Variants in CREB5 observed in about 807,000 individuals in gnomAD.
CREB5 encodes the protein cAMP responsive element binding protein 5, also known as cyclic AMP-responsive element-binding protein 5.
Under a neutral mutation model 57.1 loss-of-function variants are expected in CREB5, and 19 were observed. The observed-to-expected ratio is 0.33, with a 90% CI of 0.23 to 0.49. CREB5 has a LOEUF of 0.49. Ranked by LOEUF, CREB5 falls within the 20% of genes least tolerant of loss-of-function variation. The pLI, the probability that CREB5 is intolerant of heterozygous loss-of-function variation, is 0.99. For synonymous variants in CREB5, 238 were observed against 238.3 expected, an observed-to-expected ratio of 1.00 and a Z score of 0.01; for missense variants, 579 against 671.6, an observed-to-expected ratio of 0.86 and a Z score of 1.52.
chr7:28,442,147 C>G (rs6973999), intron 1 of CREB5, among the ~76,000 whole-genome samples: 1 of 152,094 alleles, frequency 6.6e-6, no homozygotes, highest in Non-Finnish European at 1.5e-5. Context: ...TGAGATTAAA[C>G]AAAATTTTTT....
intron 7 of CREB5, among the ~76,000 whole-genome samples, chr7:28,757,171 G>C (rs1468446): frequency 2.0e-5 from 3 of 152,052 alleles, no homozygotes; most frequent in African/African-American, 7.2e-5. Context: ...CGCAACCGTC[G>C]TATATGAGAC....
intron 3 of CREB5, among the ~76,000 whole-genome samples, chr7:28,498,472 G>T (rs377145113): frequency 2.0e-5 from 3 of 152,312 alleles, no homozygotes; most frequent in East Asian, 3.9e-4. Flanking sequence ...GTTGGGGAAG[G>T]TGTTAAGATG....
intron 1 of CREB5, among the ~76,000 whole-genome samples, chr7:28,463,979 T>A (rs572756520): frequency 6.6e-6 from 1 of 152,218 alleles, no homozygotes; most frequent in East Asian, 1.9e-4. Flanking sequence ...AGAGCTAATA[T>A]CTTTCTCTTA....
intron 5 of CREB5, among the ~76,000 whole-genome samples, chr7:28,710,385 ACT>A (rs1455692286): frequency 6.6e-6 from 1 of 152,198 alleles, no homozygotes; most frequent in African/African-American, 2.4e-5. Context: ...GGTACCATGT[ACT>A]CTCTTAAGTT....
intron 1 of CREB5, among the ~76,000 whole-genome samples, chr7:28,461,770 A>G (rs545319190): frequency 9.2e-5 from 14 of 152,276 alleles, no homozygotes; most frequent in South Asian, 4.1e-4. Context: ...TCATGTCACA[A>G]TGTGTCCTGA....
chr7:28,518,569 T>C (rs978142148), intron 4 of CREB5, among the ~76,000 whole-genome samples: 1 of 152,152 alleles, frequency 6.6e-6, no homozygotes, highest in African/African-American at 2.4e-5. Context: ...CAACAAGCCT[T>C]TGGATAAGGA....
At chr7:28,338,403 A>G (rs954962153) in intron 1 of CREB5, among the ~76,000 whole-genome samples, 6 of 152,126 alleles carry the variant, frequency 3.9e-5, no homozygotes, top group African/African-American at 1.4e-4. Context: ...TATCCCAGGG[A>G]AAAAGTTTTT....
At chr7:28,510,787 A>G (rs546048812) in intron 4 of CREB5, among the ~76,000 whole-genome samples, 3 of 152,210 alleles carry the variant, frequency 2.0e-5, no homozygotes, top group African/African-American at 7.2e-5. Context: ...GTTCCATAAT[A>G]GCCTCAATTT....
chr7:28,679,134 T>C (rs1800471022), intron 5 of CREB5, among the ~76,000 whole-genome samples: 1 of 149,982 alleles, frequency 6.7e-6, no homozygotes, highest in South Asian at 2.1e-4. Flanking sequence ...ATCCTGCAGA[T>C]ACGTAAGTAA....
At chr7:28,350,343 T>C (rs1254736813) in intron 1 of CREB5, among the ~76,000 whole-genome samples, 2 of 152,176 alleles carry the variant, frequency 1.3e-5, no homozygotes, top group African/African-American at 4.8e-5. Context: ...TGCTTCCTGC[T>C]CAGCACACAT....
chr7:28,473,213 T>C (rs1790903026), intron 1 of CREB5, among the ~76,000 whole-genome samples: 1 of 152,078 alleles, frequency 6.6e-6, no homozygotes, highest in South Asian at 2.1e-4. Flanking sequence ...TCCCAGCTAC[T>C]TGGGCGGCTG....
chr7:28,630,232 C>A (rs116323067), intron 5 of CREB5, among the ~76,000 whole-genome samples: 3,772 of 152,254 alleles, frequency 0.025, 165 homozygotes, highest in African/African-American at 0.087. Flanking sequence ...CCAAATGATA[C>A]CTGTCTTGTT....
intron 1 of CREB5, among the ~76,000 whole-genome samples, chr7:28,446,821 A>G (rs1789502369): frequency 6.6e-6 from 1 of 152,072 alleles, no homozygotes; most frequent in African/African-American, 2.4e-5. Context: ...CAAAAGTAAA[A>G]GAATAATTGT....
At chr7:28,327,903 T>C (rs1785637551) in intron 1 of CREB5, among the ~76,000 whole-genome samples, 1 of 152,228 alleles carries the variant, frequency 6.6e-6, no homozygotes, top group African/African-American at 2.4e-5. Flanking sequence ...ATATTCCACT[T>C]CCTTTTTCAA....
chr7:28,605,656 C>T (rs772823308), intron 5 of CREB5, among the ~76,000 whole-genome samples: 1 of 152,162 alleles, frequency 6.6e-6, no homozygotes, highest in African/African-American at 2.4e-5. Flanking sequence ...GGCACTCGTC[C>T]ATCTCTGGTC....
chr7:28,460,257 A>G (rs1377781663), intron 1 of CREB5, among the ~76,000 whole-genome samples: 1 of 152,234 alleles, frequency 6.6e-6, no homozygotes, highest in East Asian at 1.9e-4. Context: ...TAGAAATGAA[A>G]AAAGGCAAAA....
Position 28,560,987 on chromosome 7 carries a change from T to TGCGCGTGTGTGCGCGTGC in CREB5, c.292-9377_292-9376insCGCGTGTGTGCGCGTGCG, listed in dbSNP as rs1212595303. ...GTGTGTGTGTGCGTGTGTGCGTGCGTGTGTGTGCCTGCGTGTGCGTGTGTG... is the reference window on the plus strand; with the variant it reads ...GTGTGTGTGTGCGTGTGTGCGTGCGTGCGCGTGTGTGCGCGTGCGTGTGTGCCTGCGTGTGCGTGTGTG... On this transcript the variant is annotated intron_variant, in intron 4 of 10. Coordinates refer to ENST00000357727, the MANE Select transcript of CREB5 (RefSeq NM_182898.4). Among the ~76,000 whole-genome samples the TGCGCGTGTGTGCGCGTGC allele has an allele frequency of 1.7e-4, 11 of 64,490 alleles. 3 individuals carry two copies. The highest frequency in any genetic ancestry group is 1.1e-3 in the East Asian group (2 of 1,864). 42.3% of individuals were successfully genotyped at this position (64,490 alleles called of 152,430 possible).
In CREB5 at chr7:28,776,405, T is replaced by G. The variant is rs548380443; in HGVS notation, c.703-27794T>G. 2.6e-5 allele frequency among the ~76,000 whole-genome samples: 4 copies of G among 152,234 alleles called. No individual in the cohort carries two copies. The East Asian group carries it at 7.7e-4, about 29-fold the overall frequency. ...TTAACAATCATTCTCACCCATTATA[T>G]TCAGAAAACTTTGAATTTTTTTAGT... is the stretch of plus-strand genomic sequence containing the variant. On this transcript the variant is annotated intron_variant, in intron 7 of 10. Transcript: ENST00000357727.
At chr7:28,796,335 T>C (rs1808040016) in intron 7 of CREB5, among the ~76,000 whole-genome samples, 1 of 152,206 alleles carries the variant, frequency 6.6e-6, no homozygotes, top group Admixed American at 6.5e-5. Context: ...GCTTTTGGGA[T>C]TCATCTATGT....
Sources: gnomAD v4.1 joint callset for allele counts (sites outside exome capture counted in the v4.1 genomes callset) on GRCh38, gnomAD v4.1.1 for gene constraint, MANE v1.5 for transcripts, NCBI Gene and HGNC (gene_info 2026-07-23, HGNC 2026-07-21) for gene names.